MRPL1: variants seen among roughly 807,000 people sequenced by gnomAD.
MRPL1 encodes the protein large ribosomal subunit protein uL1m.
In MRPL1, 28 loss-of-function variants were observed where a neutral mutation model predicts 38.0. That is an observed-to-expected ratio of 0.74 (90% confidence interval 0.55 to 1.01). The LOEUF is 1.01. MRPL1 is among the 50% of genes least tolerant of loss of function. MRPL1 has a pLI of 0.00. For missense variants in MRPL1, 358 were observed against 389.8 expected, an observed-to-expected ratio of 0.92 and a Z score of 0.69; for synonymous variants, 123 against 126.7, an observed-to-expected ratio of 0.97 and a Z score of 0.20.
intron 5 of MRPL1, among the ~76,000 whole-genome samples, chr4:77,892,451 A>T (rs1482864553): frequency 6.6e-6 from 1 of 152,108 alleles, no homozygotes; most frequent in Middle Eastern, 3.2e-3. Context: ...CTTAGATAAC[A>T]CATTCATTTA....
At chr4:77,873,728 A>G (rs559313123) in intron 2 of MRPL1, among the ~76,000 whole-genome samples, 1 of 152,310 alleles carries the variant, frequency 6.6e-6, no homozygotes, top group African/African-American at 2.4e-5. Flanking sequence ...TGAGATTTTC[A>G]CAGTGAACTG....
chr4:77,943,098 T>G (rs1737173424), intron 7 of MRPL1, among the ~76,000 whole-genome samples: 1 of 152,164 alleles, frequency 6.6e-6, no homozygotes, highest in Non-Finnish European at 1.5e-5. Context: ...TCTCAGCATT[T>G]GTTTGTCTGA....
At chr4:77,902,385 TAA>T (rs552547011) in intron 6 of MRPL1, among the ~76,000 whole-genome samples, 1,346 of 95,116 alleles carry the variant, frequency 0.014, 8 homozygotes, top group Non-Finnish European at 0.021. Flanking sequence ...ACCGGCTTTC[TAA>T]AAAAAAAAAA....
At chr4:77,935,526 C>T (rs1182955853) in intron 7 of MRPL1, among the ~76,000 whole-genome samples, 1 of 151,976 alleles carries the variant, frequency 6.6e-6, no homozygotes, top group Non-Finnish European at 1.5e-5. Flanking sequence ...TCATGAGTAG[C>T]TGGGATTACA....
At chr4:77,939,214 A>G (rs1375370390) in intron 7 of MRPL1, among the ~76,000 whole-genome samples, 3 of 152,176 alleles carry the variant, frequency 2.0e-5, no homozygotes, top group South Asian at 2.1e-4. Flanking sequence ...ATGGTCCCCA[A>G]TTCCATCCAG....
chr4:77,880,435 G>A (rs184611106), intron 2 of MRPL1, among the ~76,000 whole-genome samples: 100 of 151,070 alleles, frequency 6.6e-4, no homozygotes, highest in South Asian at 4.2e-4. Context: ...TTGGGCCCAC[G>A]TAGATAATCT....
chr4:77,931,203 C>T (rs1002683463), intron 7 of MRPL1, among the ~76,000 whole-genome samples: 5 of 152,292 alleles, frequency 3.3e-5, no homozygotes, highest in African/African-American at 7.2e-5. Context: ...AAGAAAAGAA[C>T]GTGAACACGA....
At chr4:77,906,313 GT>G (rs1327784495) in intron 6 of MRPL1, among the ~76,000 whole-genome samples, 1 of 152,008 alleles carries the variant, frequency 6.6e-6, no homozygotes, top group Admixed American at 6.6e-5. Flanking sequence ...CAATGTGAAG[GT>G]TACTGAAGTA....
intron 2 of MRPL1, among the ~76,000 whole-genome samples, chr4:77,877,282 G>A (rs553655294): frequency 2.2e-4 from 33 of 152,024 alleles, no homozygotes; most frequent in Middle Eastern, 6.8e-3. Context: ...TAATATTTAC[G>A]CCTGCAAACA....
intron 6 of MRPL1, among the ~76,000 whole-genome samples, chr4:77,899,620 G>T (rs1022959780): frequency 2.0e-5 from 3 of 152,068 alleles, no homozygotes; most frequent in Admixed American, 1.3e-4. Context: ...AATGTATGCA[G>T]TCCTAACTCA....
chr4:77,933,137 A>G (rs1181430239), intron 7 of MRPL1, among the ~76,000 whole-genome samples: 1 of 151,972 alleles, frequency 6.6e-6, no homozygotes, highest in Non-Finnish European at 1.5e-5. Flanking sequence ...TTAGAGATGG[A>G]GTCTTGCTAT....
rs371873487 is a variant in MRPL1, at chr4:77,939,211, C to T, written c.778-10586C>T. 5.9e-5 allele frequency among the ~76,000 whole-genome samples: 9 copies of T among 152,160 alleles called. No homozygotes were observed. The East Asian group carries it at 1.4e-3, about 23-fold the overall frequency. On this transcript the variant is annotated intron_variant, in intron 7 of 8. Transcript: ENST00000315567. Reference sequence around the variant, plus strand: ...GTTACTTCACTTAGAAAAATGGTCCCCAATTCCATCCAGGTTGCTGTTCTT... The same window carrying T: ...GTTACTTCACTTAGAAAAATGGTCCTCAATTCCATCCAGGTTGCTGTTCTT...
At chr4:77,891,355 T>G (rs561642135) in intron 5 of MRPL1, among the ~76,000 whole-genome samples, 4 of 151,260 alleles carry the variant, frequency 2.6e-5, no homozygotes, top group South Asian at 2.1e-4. Flanking sequence ...TTTTGTTTTT[T>G]TTTTTTTTCA....
At chr4:77,886,592 C>CT (rs1484870653) in intron 4 of MRPL1, among the ~76,000 whole-genome samples, 1 of 152,002 alleles carries the variant, frequency 6.6e-6, no homozygotes, top group Non-Finnish European at 1.5e-5. Flanking sequence ...CTTGGCCTCT[C>CT]AAAGTGCTGA....
intron 7 of MRPL1, among the ~76,000 whole-genome samples, chr4:77,918,055 A>G (rs1227041187): frequency 1.3e-5 from 2 of 148,194 alleles, no homozygotes; most frequent in African/African-American, 4.9e-5. Context: ...CTTCATCTCA[A>G]AAAAAAAAAA....
At chr4:77,912,233 G>C (rs72869581) in intron 7 of MRPL1, among the ~76,000 whole-genome samples, 68 of 152,118 alleles carry the variant, frequency 4.5e-4, no homozygotes, top group African/African-American at 1.5e-3. Context: ...ATTGATCTGG[G>C]GCTTCTAGTT....
At chr4:77,935,012 C>T (rs1736932699) in intron 7 of MRPL1, among the ~76,000 whole-genome samples, 3 of 152,030 alleles carry the variant, frequency 2.0e-5, no homozygotes, top group African/African-American at 7.2e-5. Flanking sequence ...TGGTGGTTGC[C>T]AGGGGCTGGA....
At chr4:77,921,295 T>C (rs568782627) in intron 7 of MRPL1, among the ~76,000 whole-genome samples, 9 of 152,286 alleles carry the variant, frequency 5.9e-5, no homozygotes, top group African/African-American at 2.2e-4. Context: ...CTCAACTAGA[T>C]CACTTTCTAG....
chr4:77,892,613 C>G (rs1735831865), intron 5 of MRPL1, among the ~76,000 whole-genome samples: 1 of 152,170 alleles, frequency 6.6e-6, no homozygotes, highest in African/African-American at 2.4e-5. Context: ...TATAGCATAA[C>G]TTCCAAACAT....
Sources: gnomAD v4.1 joint callset for allele counts (sites outside exome capture counted in the v4.1 genomes callset) on GRCh38, gnomAD v4.1.1 for gene constraint, MANE v1.5 for transcripts, NCBI Gene and HGNC (gene_info 2026-07-23, HGNC 2026-07-21) for gene names.